The following MYLK variants were observed in gnomAD, a reference collection of about 807,000 sequenced individuals.
MYLK encodes myosin light chain kinase.
In MYLK, 106 loss-of-function variants were observed where a neutral mutation model predicts 203.4. The observed-to-expected ratio is 0.52, with a 90% CI of 0.45 to 0.61. The LOEUF is 0.61. Among genes scored for constraint, MYLK ranks in the 20% least tolerant of loss-of-function variants. MYLK has a pLI of 0.00. For synonymous variants in MYLK, 867 were observed against 959.5 expected, an observed-to-expected ratio of 0.90 and a Z score of 1.78; for missense variants, 2,072 against 2,442.3, an observed-to-expected ratio of 0.85 and a Z score of 3.20.
chr3:123,878,888 C>T (rs777754129), intron 1 of MYLK, among the ~76,000 whole-genome samples: 1 of 152,098 alleles, frequency 6.6e-6, no homozygotes. Context: ...GGTTTCACCA[C>T]GTTGGTCAGG....
At chr3:123,721,154 C>T (rs1156857226) in intron 13 of MYLK, among the ~76,000 whole-genome samples, 1 of 152,224 alleles carries the variant, frequency 6.6e-6, no homozygotes, top group Non-Finnish European at 1.5e-5. Context: ...CTTCCCCTTT[C>T]CTTTTCTGCG....
At position 123,700,736 on chromosome 3, in the gene MYLK, G is replaced by A. The variant is rs773956836; in HGVS notation, c.2732C>T (p.Ser911Leu). 3.5e-5 allele frequency: 57 copies of A among 1,614,050 alleles called. No homozygotes were observed. The Admixed American group carries it at 5.8e-4, about 17-fold the overall frequency. The change falls in exon 18 of 34, where the codon TCG becomes TTG. Residue 911 changes from serine to leucine, a missense_variant. Ser to Leu is a moderately radical substitution (Grantham distance 145, BLOSUM62 -2). This residue lies in a region of MYLK where 865 missense variants were observed against 1,016.0 expected (regional missense o/e 0.85). Transcript: ENST00000360304. ...TGGGATCTCCTTCAGGTCGTCTTCC[G>A]ATAGGGTCTTTGTACTCACCTTCTT... ...LGKKVSTKTL[S>L]EDDLKEIPAE...
chr3:123,637,903 G>A (rs1462383918), intron 29 of MYLK, among the ~76,000 whole-genome samples, 168 bp downstream of exon 29: 1 of 152,120 alleles, frequency 6.6e-6, no homozygotes, highest in East Asian at 1.9e-4. Flanking sequence ...CCAGGAGCAG[G>A]GTGGGCTGCC....
chr3:123,728,253 A>G (rs755821282), intron 11 of MYLK, among the ~76,000 whole-genome samples: 5 of 152,234 alleles, frequency 3.3e-5, no homozygotes, highest in Non-Finnish European at 7.3e-5. Flanking sequence ...CTTTAATCTC[A>G]GCACTTTGGT....
In MYLK at chr3:123,620,194, A is replaced by G. The variant is rs758032144; in HGVS notation, c.5368+13T>C. The G allele has an allele frequency of 3.1e-6, 5 of 1,591,342 alleles. 1 individual carries two copies. In the South Asian group the frequency reaches 5.5e-5, roughly 18 times the overall value. On this transcript the variant is annotated intron_variant, in intron 32 of 33. Coordinates refer to ENST00000360304, the MANE Select transcript of MYLK (RefSeq NM_053025.4). The stretch of plus-strand genomic sequence containing the variant: ...TTCTTTCTCACCAGCTGGCTGGAGA[A>G]ACTCCTCCTTACCTTCAGATTCTAG...
At chr3:123,837,416 A>G (rs895300257) in intron 2 of MYLK, among the ~76,000 whole-genome samples, 1 of 151,218 alleles carries the variant, frequency 6.6e-6, no homozygotes, top group Non-Finnish European at 1.5e-5. Context: ...GATTCTAACC[A>G]GAGTTTTATC....
chr3:123,852,300 A>T (rs1297898964), intron 2 of MYLK, among the ~76,000 whole-genome samples: 2 of 152,148 alleles, frequency 1.3e-5, no homozygotes, highest in Non-Finnish European at 2.9e-5. Flanking sequence ...TATTGATTGG[A>T]ATGGTACCAG....
At chr3:123,663,491 A>AG in intron 23 of MYLK, among the ~76,000 whole-genome samples, 1 of 152,262 alleles carries the variant, frequency 6.6e-6, no homozygotes, top group East Asian at 1.9e-4. Context: ...GAGAGAAGGT[A>AG]GGGTGGCTAG....
chr3:123,749,166 C>T (rs1470037226), intron 5 of MYLK, among the ~76,000 whole-genome samples: 1 of 151,834 alleles, frequency 6.6e-6, no homozygotes, highest in Non-Finnish European at 1.5e-5. Context: ...ATAGTCCCAG[C>T]TACTTGGGAG....
intron 19 of MYLK, among the ~76,000 whole-genome samples, chr3:123,690,114 C>G (rs1002633619): frequency 6.6e-6 from 1 of 152,164 alleles, no homozygotes; most frequent in Non-Finnish European, 1.5e-5. Context: ...GGAAGCCAGT[C>G]TGAAGTCAGC....
At chr3:123,801,005 A>T (rs2065177224) in intron 3 of MYLK, among the ~76,000 whole-genome samples, 1 of 152,290 alleles carries the variant, frequency 6.6e-6, no homozygotes, top group Admixed American at 6.5e-5. Context: ...TTATAGGCTA[A>T]CATAAATAAC....
In MYLK at chr3:123,752,348, A is replaced by T; in HGVS notation, c.356T>A (p.Val119Glu). 1 of 1,614,034 alleles carries T rather than the reference A, an allele frequency of 6.2e-7. No individual in the cohort carries two copies. Among genetic ancestry groups the T allele is most frequent in the South Asian group, 1.1e-5 (1 of 91,068 alleles). ...TNGSGARQVT[V>E]ELTVEGSFAK... Reference sequence around the variant, plus strand: ...GGACTCACCTTCTACTGTCAACTCCACTGTCACCTGGCGAGCACCACTGCC... The same window carrying T: ...GGACTCACCTTCTACTGTCAACTCCTCTGTCACCTGGCGAGCACCACTGCC... Residue 119 changes from valine (V) to glutamate (E), a missense_variant, in exon 5 of 34, where the codon GTG becomes GAG. This residue lies in a region of MYLK where 683 missense variants were observed against 643.8 expected (regional missense o/e 1.06). Transcript: ENST00000360304.
chr3:123,824,927 T>C (rs1483803690), intron 3 of MYLK, among the ~76,000 whole-genome samples: 3 of 151,986 alleles, frequency 2.0e-5, no homozygotes. Flanking sequence ...GGTGGGAGGA[T>C]TGCTTGAGCC....
chr3:123,651,127 G>C (rs2059198139), intron 24 of MYLK, among the ~76,000 whole-genome samples: 1 of 152,142 alleles, frequency 6.6e-6, no homozygotes, highest in Non-Finnish European at 1.5e-5. Context: ...TCTGAGGTTG[G>C]GAAAGAAGTC....
chr3:123,632,439 CCCTT>C (rs1269035444), intron 29 of MYLK, among the ~76,000 whole-genome samples: 3 of 152,200 alleles, frequency 2.0e-5, no homozygotes, highest in Admixed American at 2.0e-4. Context: ...CTGCAAACCT[CCCTT>C]CCTTATTAGG....
chr3:123,869,146 A>G (rs565797544), intron 2 of MYLK, among the ~76,000 whole-genome samples: 8 of 152,246 alleles, frequency 5.3e-5, no homozygotes, highest in African/African-American at 1.9e-4. Flanking sequence ...CAGACTCTGC[A>G]GGAAAGCAGG....
chr3:123,666,113 C>T lies in MYLK; in HGVS notation c.3831+106G>A, dbSNP rs542392492. On this transcript the variant is annotated intron_variant, in intron 22 of 33. Coordinates refer to ENST00000360304, the MANE Select transcript of MYLK (RefSeq NM_053025.4). ...GTGGCCTCTCCCATTTCTAAAGCTA[C>T]GAAGAGTGAGGCCATCTCCAGCACG... 92 of 1,567,886 alleles carry T rather than the reference C, an allele frequency of 5.9e-5. No homozygotes were observed. The African/African-American group carries it at 1.0e-3, about 17-fold the overall frequency.
chr3:123,850,907 G>A (rs996455678), intron 2 of MYLK, among the ~76,000 whole-genome samples: 4 of 152,286 alleles, frequency 2.6e-5, no homozygotes, highest in Admixed American at 2.6e-4. Flanking sequence ...AATCCATCTT[G>A]AATTAATTTT....
chr3:123,834,854 T>C (rs1372490524), intron 2 of MYLK, among the ~76,000 whole-genome samples: 3 of 152,068 alleles, frequency 2.0e-5, no homozygotes, highest in South Asian at 4.1e-4. Flanking sequence ...CTCCGGGAAG[T>C]AGAGATGAAG....
Sources: allele counts gnomAD v4.1 joint callset (sites outside exome capture counted in the v4.1 genomes callset), GRCh38; gene constraint gnomAD v4.1.1; regional missense constraint gnomAD v4.1.1; transcripts MANE v1.5; gene names NCBI Gene and HGNC (gene_info 2026-07-23, HGNC 2026-07-21).